ETFA: variants seen among roughly 807,000 people sequenced by gnomAD.
The protein encoded by ETFA is electron transfer flavoprotein subunit alpha, mitochondrial.
In ETFA, 22 loss-of-function variants were observed where a neutral mutation model predicts 46.2. The ratio of observed to expected loss-of-function variants is 0.48; its 90% confidence interval spans 0.34 to 0.68. ETFA has a LOEUF of 0.68. ETFA is among the 30% of genes least tolerant of loss of function. The pLI, the probability that ETFA is intolerant of heterozygous loss-of-function variation, is 0.01. For synonymous variants in ETFA, 131 were observed against 139.9 expected (o/e 0.94, Z 0.45); for missense variants, 345 against 401.1 (o/e 0.86, Z 1.19).
At chr15:76,261,355 C>T in intron 9 of ETFA, 2 of 1,271,540 alleles carry the variant, frequency 1.6e-6, no homozygotes, top group South Asian at 2.5e-5. Flanking sequence ...ATCCACCTTG[C>T]ACCAGTACTG....
chr15:76,225,766 T>C, intron 11 of ETFA, 83 bp downstream of exon 11: 2 of 886,006 alleles, frequency 2.3e-6, no homozygotes, highest in Non-Finnish European at 3.9e-6. Flanking sequence ...ATGTTTTCTT[T>C]TAATAGCTTC....
chr15:76,310,369 G>GAAAAAAAAAAAAAAAAAAAAAAAAA (rs34111559), intron 1 of ETFA, among the ~76,000 whole-genome samples: 6 of 104,454 alleles, frequency 5.7e-5, no homozygotes, highest in African/African-American at 1.9e-4. Flanking sequence ...TCCATGCCCA[G>GAAAAAAAAAAAAAAAAAAAAAAAAA]AAAAAAAAAA....
At chr15:76,299,041 A>G (rs1178282898) in intron 1 of ETFA, among the ~76,000 whole-genome samples, 1 of 152,236 alleles carries the variant, frequency 6.6e-6, no homozygotes, top group African/African-American at 2.4e-5. Context: ...AAGGAGCCAA[A>G]TTCTTAAACA....
chr15:76,238,242 AAT>A (rs2039147828), intron 9 of ETFA, among the ~76,000 whole-genome samples: 1 of 152,202 alleles, frequency 6.6e-6, no homozygotes, highest in Non-Finnish European at 1.5e-5. Flanking sequence ...ATGAAATACG[AAT>A]ATGAGTAGGG....
chr15:76,299,011 A>C (rs2039854892), intron 1 of ETFA, among the ~76,000 whole-genome samples: 1 of 152,260 alleles, frequency 6.6e-6, no homozygotes, highest in Non-Finnish European at 1.5e-5. Context: ...ATCCTCTTTT[A>C]ACAATAGTTA....
chr15:76,299,109 C>A (rs746342210), intron 1 of ETFA, among the ~76,000 whole-genome samples: 1 of 152,176 alleles, frequency 6.6e-6, no homozygotes, highest in Non-Finnish European at 1.5e-5. Context: ...GAATCTCGAT[C>A]TCTTCAAACA....
intron 1 of ETFA, among the ~76,000 whole-genome samples, chr15:76,295,999 T>A (rs1306936005): frequency 9.2e-6 from 1 of 109,084 alleles, no homozygotes; most frequent in Admixed American, 1.1e-4. Context: ...TGGAGTGCAG[T>A]GGCGCGTGCG....
chr15:76,231,429 GTATTTA>G, intron 9 of ETFA, 31 bp from the exon 10 acceptor site: 1 of 1,322,026 alleles, frequency 7.6e-7, no homozygotes, highest in Non-Finnish European at 1.1e-6. Context: ...TTATTAATAT[GTATTTA>G]TATTATATAA....
In ETFA at chr15:76,283,739, T is replaced by G. The variant is rs754167827; in HGVS notation, c.733+18A>C. On this transcript the variant is annotated intron_variant, in intron 8 of 11. Transcript: ENST00000557943. ...CAACAAAAAGGGAATATCTTTCTAC[T>G]AAGGAAAATAACTTTACCTGCAGCA... The G allele has an allele frequency of 1.3e-5, 20 of 1,505,332 alleles. No individual in the cohort carries two copies. In the East Asian group the frequency reaches 4.1e-4, roughly 31 times the overall value. 93.2% of individuals were successfully genotyped at this position (1,505,332 alleles called of 1,614,324 possible). A position where few individuals can be genotyped will look rare whatever the true frequency, so the allele number is the denominator to read the frequency against.
At chr15:76,257,455 A>C (rs2039356177) in intron 9 of ETFA, among the ~76,000 whole-genome samples, 1 of 152,236 alleles carries the variant, frequency 6.6e-6, no homozygotes, top group Admixed American at 6.5e-5. Flanking sequence ...ATGCAAATCA[A>C]AACCACAATG....
intron 9 of ETFA, among the ~76,000 whole-genome samples, chr15:76,257,767 C>T (rs2141489428): frequency 6.6e-6 from 1 of 151,908 alleles, no homozygotes; most frequent in African/African-American, 2.4e-5. Flanking sequence ...TGGAACCAAC[C>T]CAAATGTCCA....
chr15:76,274,557 A>C (rs2039574693), intron 8 of ETFA, 63 bp from the exon 9 acceptor site: 3 of 1,230,170 alleles, frequency 2.4e-6, no homozygotes, highest in Non-Finnish European at 3.5e-6. Flanking sequence ...TAGGATATTC[A>C]CTGATAACTG....
chr15:76,250,737 A>T (rs1187350782), intron 9 of ETFA, among the ~76,000 whole-genome samples: 1 of 151,256 alleles, frequency 6.6e-6, no homozygotes, highest in African/African-American at 2.4e-5. Flanking sequence ...AGGTCTCGCT[A>T]TGTTGCCCAG....
chr15:76,256,284 T>A (rs2456073), intron 9 of ETFA, among the ~76,000 whole-genome samples: 26 of 146,510 alleles, frequency 1.8e-4, no homozygotes, highest in African/African-American at 3.3e-4. Context: ...AAAAAAAAAA[T>A]ATTAACCTTA....
At chr15:76,306,256 T>A (rs1281795136) in intron 1 of ETFA, among the ~76,000 whole-genome samples, 4 of 122,002 alleles carry the variant, frequency 3.3e-5, no homozygotes, top group Non-Finnish European at 4.9e-5. Context: ...CAGGGGAGGG[T>A]TTTTTTGCTT....
chr15:76,298,850 A>G (rs563030416), intron 1 of ETFA, among the ~76,000 whole-genome samples: 4 of 152,360 alleles, frequency 2.6e-5, no homozygotes, highest in South Asian at 2.1e-4. Flanking sequence ...TAAAAATTCT[A>G]TAACTCTAAA....
chr15:76,272,288 T>G (rs1279256912), intron 9 of ETFA, among the ~76,000 whole-genome samples: 1 of 151,036 alleles, frequency 6.6e-6, no homozygotes, highest in Non-Finnish European at 1.5e-5. Context: ...TGGCACAATC[T>G]CGGCTCACTG....
chr15:76,264,626 A>G (rs2039451867), intron 9 of ETFA, among the ~76,000 whole-genome samples: 1 of 152,234 alleles, frequency 6.6e-6, no homozygotes, highest in African/African-American at 2.4e-5. Flanking sequence ...AGCTTCTTGC[A>G]TATGATAATG....
At chr15:76,259,374 T>C (rs1315433993) in intron 9 of ETFA, 12 of 1,567,630 alleles carry the variant, frequency 7.7e-6, no homozygotes, top group Admixed American at 5.0e-5. Context: ...CATGAGATCA[T>C]ACAAAAGGTC....
Sources: allele counts gnomAD v4.1 joint callset (sites outside exome capture counted in the v4.1 genomes callset), GRCh38; gene constraint gnomAD v4.1.1; transcripts MANE v1.5; gene names NCBI Gene and HGNC (gene_info 2026-07-23, HGNC 2026-07-21).